SLF2: variants seen among roughly 807,000 people sequenced by gnomAD.
SLF2 encodes SMC5-SMC6 complex localization factor protein 2.
SLF2 carries 68 observed loss-of-function variants against 124.3 expected under a neutral mutation model. The ratio of observed to expected loss-of-function variants is 0.55; its 90% CI spans 0.45 to 0.67. The LOEUF (loss-of-function observed/expected upper bound fraction) is 0.67. Among genes scored for constraint, SLF2 ranks in the 30% least tolerant of loss-of-function variants. The pLI is 0.00. For missense variants in SLF2, 1,246 were observed against 1,373.7 expected (o/e 0.91, Z 1.47); for synonymous variants, 480 against 478.8 (o/e 1.00, Z -0.03).
In SLF2 at chr10:100,916,924, A is replaced by G. The variant is rs1849426559; in HGVS notation, c.539A>G (p.His180Arg). ...GAGAGAAGGAAGTCACTATTCATTCATGAAAATAATGAGAAGAATGATAGA... is the reference window on the plus strand; with the variant it reads ...GAGAGAAGGAAGTCACTATTCATTCGTGAAAATAATGAGAAGAATGATAGA... The part of the protein sequence containing the change: ...SPERRKSLFI[H>R]ENNEKNDRDR... The change falls in exon 3 of 20, where the codon CAT becomes CGT. Residue 180 changes from histidine (H) to arginine (R), a missense_variant. Physicochemically the swap from His to Arg is conservative, Grantham distance 29. Transcript: ENST00000238961. 4.3e-6 allele frequency: 7 copies of G among 1,614,224 alleles called. No homozygotes were observed. Among genetic ancestry groups the G allele is most frequent in the Non-Finnish European group, 5.9e-6 (7 of 1,180,054 alleles).
At position 100,929,931 on chromosome 10, in the gene SLF2, A is replaced by G. The variant is rs577678838; in HGVS notation, c.2267A>G (p.Gln756Arg). Reference protein sequence around the residue: ...NFLNSGKIFNQYTLDLRDSGF... With the variant: ...NFLNSGKIFNRYTLDLRDSGF... ...CTCAATTCTGGAAAAATTTTCAATC[A>G]GTATACCTTGGATTTAAGAGACTCT... The change falls in exon 8 of 20, where the codon CAG (glutamine) becomes CGG (arginine). Residue 756 changes from glutamine (Q) to arginine (R), a missense_variant. Gln to Arg is a conservative substitution (Grantham distance 43). Coordinates refer to ENST00000238961, the MANE Select transcript of SLF2 (RefSeq NM_018121.4). The G allele has an allele frequency of 1.4e-5, 22 of 1,595,154 alleles. No individual in the cohort carries two copies. In the Admixed American group the frequency reaches 2.9e-4, roughly 21 times the overall value.
intron 17 of SLF2, among the ~76,000 whole-genome samples, chr10:100,951,612 G>A (rs1045231912): frequency 3.3e-5 from 5 of 152,186 alleles, no homozygotes; most frequent in African/African-American, 1.2e-4. Flanking sequence ...ACTCCATGTT[G>A]GCCACTCCCA....
At chr10:100,927,273 TC>T (rs1276908550) in intron 6 of SLF2, among the ~76,000 whole-genome samples, 6 of 151,916 alleles carry the variant, frequency 3.9e-5, no homozygotes, top group Admixed American at 3.9e-4. Flanking sequence ...CCTCCCACCC[TC>T]AGCAACTACC....
At chr10:100,928,038 C>CT (rs1474150768) in intron 6 of SLF2, among the ~76,000 whole-genome samples, 1 of 43,448 alleles carries the variant, frequency 2.3e-5, no homozygotes, top group Non-Finnish European at 6.5e-5. Context: ...AACACCCCCC[C>CT]CCCCCCCCAC....
At chr10:100,954,029 T>C (rs1850277585) in intron 17 of SLF2, among the ~76,000 whole-genome samples, 2 of 151,402 alleles carry the variant, frequency 1.3e-5, no homozygotes, top group African/African-American at 4.9e-5. Context: ...GGCCGAGGCA[T>C]GCAGATCGCT....
At chr10:100,932,257 TAA>T (rs35269470) in intron 9 of SLF2, among the ~76,000 whole-genome samples, 10 of 149,132 alleles carry the variant, frequency 6.7e-5, no homozygotes, top group Non-Finnish European at 8.9e-5. Flanking sequence ...CACATCTGTT[TAA>T]AAAAAAAAAA....
intron 11 of SLF2, 73 bp from the exon 12 acceptor site, chr10:100,943,953 T>C: frequency 3.3e-6 from 3 of 899,934 alleles, no homozygotes; most frequent in Non-Finnish European, 5.0e-6. Context: ...TTTTAAAAAG[T>C]AGCCCAGAAT....
At chr10:100,932,816 G>T (rs535964078) in intron 9 of SLF2, among the ~76,000 whole-genome samples, 9 of 152,050 alleles carry the variant, frequency 5.9e-5, no homozygotes, top group African/African-American at 2.2e-4. Flanking sequence ...AGAGTACCGG[G>T]GTGAGAGAGA....
chr10:100,916,703 A>T lies in SLF2; in HGVS notation c.318A>T (p.Pro106=). The T allele has an allele frequency of 6.4e-7, 1 of 1,553,012 alleles. No individual in the cohort carries two copies. Among genetic ancestry groups the T allele is most frequent in the Non-Finnish European group, 8.6e-7 (1 of 1,157,132 alleles). The change falls in exon 3 of 20, where the codon CCA becomes CCT. Residue 106 remains proline (P), a synonymous_variant. Coordinates refer to ENST00000238961, the MANE Select transcript of SLF2 (RefSeq NM_018121.4). ...PKESKPKRVP[P]EKSPIIEAFM... ...AATCTAAACCCAAAAGGGTGCCACC[A>T]GAAAAGAGCCCTATTATAGAAGCTT... is the stretch of plus-strand genomic sequence containing the variant.
At chr10:100,920,142 A>T (rs1037871187) in intron 4 of SLF2, among the ~76,000 whole-genome samples, 1 of 152,246 alleles carries the variant, frequency 6.6e-6, no homozygotes, top group African/African-American at 2.4e-5. Context: ...GGAATTTCTC[A>T]GCCAGGAGAT....
At position 100,917,124 on chromosome 10, in the gene SLF2, C is replaced by G; in HGVS notation, c.739C>G (p.Arg247Gly). Residue 247 changes from arginine (R) to glycine (G), a missense_variant, in exon 3 of 20, where the codon CGA becomes GGA. By Grantham distance (125) the Arg-to-Gly change is moderately radical. Coordinates refer to ENST00000238961, the MANE Select transcript of SLF2 (RefSeq NM_018121.4). ...QLSLASYCRE[R>G]ELKRLRKEQM... is the part of the protein sequence containing the mutation. ...GTCACTAGCTTCTTACTGCAGAGAA[C>G]GAGAACTAAAGAGGTTGAGAAAGGA... The G allele has an allele frequency of 1.2e-6, 2 of 1,614,014 alleles. No individual in the cohort carries two copies. Among genetic ancestry groups the G allele is most frequent in the Non-Finnish European group, 1.7e-6 (2 of 1,180,020 alleles).
intron 9 of SLF2, among the ~76,000 whole-genome samples, chr10:100,932,675 A>G (rs1441941286): frequency 6.6e-6 from 1 of 150,922 alleles, no homozygotes; most frequent in Admixed American, 6.6e-5. Flanking sequence ...ATGCTAATGT[A>G]GAGGAGACAA....
chr10:100,956,051 G>C (rs1471227813), intron 17 of SLF2, among the ~76,000 whole-genome samples: 1 of 151,932 alleles, frequency 6.6e-6, no homozygotes, highest in Non-Finnish European at 1.5e-5. Context: ...CCTGGCACCA[G>C]AGCCAGACCC....
chr10:100,930,603 A>C (rs997359163), intron 8 of SLF2, among the ~76,000 whole-genome samples: 6 of 152,242 alleles, frequency 3.9e-5, no homozygotes, highest in African/African-American at 1.2e-4. Context: ...TCTCCACCAC[A>C]GTGCCCAAAC....
intron 19 of SLF2, among the ~76,000 whole-genome samples, chr10:100,960,998 CTTTTTTT>C (rs59983480): frequency 1.6e-5 from 1 of 61,406 alleles, no homozygotes; most frequent in Non-Finnish European, 2.8e-5. Context: ...TTCTGTACTT[CTTTTTTT>C]TTTTTTTTTT....
chr10:100,913,532 A>G (rs1227723697), intron 1 of SLF2: 7 of 1,251,258 alleles, frequency 5.6e-6, no homozygotes, highest in Non-Finnish European at 7.0e-6. Flanking sequence ...TTCCTTTGCA[A>G]GAGTTTGACC....
chr10:100,945,599 A>G (rs1302168618), intron 13 of SLF2, 93 bp downstream of exon 13: 2 of 980,850 alleles, frequency 2.0e-6, no homozygotes, highest in Non-Finnish European at 1.4e-6. Flanking sequence ...TCTAAACTCA[A>G]GATCTTTGGC....
intron 12 of SLF2, 121 bp from the exon 13 acceptor site, chr10:100,945,209 G>C: frequency 1.4e-6 from 1 of 736,616 alleles, no homozygotes; most frequent in Non-Finnish European, 2.1e-6. Context: ...TCTAGACATC[G>C]GATGTTTGTT....
chr10:100,964,541 C>T lies in SLF2; in HGVS notation c.*2629C>T, dbSNP rs757528044. On this transcript the variant is annotated 3_prime_UTR_variant, in exon 20 of 20. Coordinates refer to ENST00000238961, the MANE Select transcript of SLF2 (RefSeq NM_018121.4). ...TTTCTATCTCCTGATGGCAGTGGTG[C>T]CTTTGTCACCTTTTGGAAGGTTTGC... 9.2e-5 allele frequency: 14 copies of T among 152,606 alleles called. No homozygotes were observed. The highest frequency in any genetic ancestry group is 1.5e-4 in the Non-Finnish European group (10 of 68,040). 9.5% of individuals were successfully genotyped at this position (152,606 alleles called of 1,614,324 possible). A position where few individuals can be genotyped will look rare whatever the true frequency, so the allele number is the denominator to read the frequency against.
Sources: gnomAD v4.1 joint callset for allele counts (sites outside exome capture counted in the v4.1 genomes callset) on GRCh38, gnomAD v4.1.1 for gene constraint, MANE v1.5 for transcripts, NCBI Gene and HGNC (gene_info 2026-07-23, HGNC 2026-07-21) for gene names.